MYO16: variants seen among roughly 807,000 people sequenced by gnomAD.
The protein encoded by MYO16 is unconventional myosin-XVI.
A neutral mutation model predicts 205.3 loss-of-function variants in MYO16; 94 were observed. That is an observed-to-expected ratio of 0.46 (90% CI 0.39 to 0.54). The LOEUF (loss-of-function observed/expected upper bound fraction) is 0.54, where lower values mean the gene tolerates loss of function less well. MYO16 is among the 20% of genes least tolerant of loss of function. The pLI is 0.00. For synonymous variants in MYO16, 988 were observed against 954.0 expected (o/e 1.04, Z -0.66); for missense variants, 2,315 against 2,387.5 (o/e 0.97, Z 0.63).
At chr13:108,749,091 T>C (rs1885149303) in intron 4 of MYO16, among the ~76,000 whole-genome samples, 2 of 152,204 alleles carry the variant, frequency 1.3e-5, no homozygotes, top group South Asian at 4.1e-4. Flanking sequence ...CGTTTTGATA[T>C]ATGTATACAC....
At chr13:108,617,434 A>G (rs1340154112) in intron 1 of MYO16, among the ~76,000 whole-genome samples, 1 of 152,150 alleles carries the variant, frequency 6.6e-6, no homozygotes. Flanking sequence ...ATCTTATTTG[A>G]TCCCTAGCAG....
chr13:108,893,832 G>A (rs1369205075), intron 14 of MYO16, among the ~76,000 whole-genome samples: 1 of 152,070 alleles, frequency 6.6e-6, no homozygotes, highest in African/African-American at 2.4e-5. Flanking sequence ...AGACAATTTT[G>A]CCTCAAATCC....
chr13:109,073,182 A>G (rs1594059477), intron 27 of MYO16, among the ~76,000 whole-genome samples: 1 of 150,790 alleles, frequency 6.6e-6, no homozygotes, highest in South Asian at 2.1e-4. Context: ...GCTCACTGGA[A>G]CCTCCTCCTC....
intron 12 of MYO16, among the ~76,000 whole-genome samples, chr13:108,872,510 A>G (rs1322148561): frequency 6.6e-6 from 1 of 152,050 alleles, no homozygotes; most frequent in Non-Finnish European, 1.5e-5. Context: ...AAGGAGAAAC[A>G]CATTAAGAGA....
intron 34 of MYO16, among the ~76,000 whole-genome samples, chr13:109,189,924 GT>G (rs55963432): frequency 6.7e-6 from 1 of 149,278 alleles, no homozygotes; most frequent in Non-Finnish European, 1.5e-5. Context: ...TTTTGTTGTT[GT>G]TTTTTTTTCA....
chr13:108,850,495 T>C (rs1877799903), intron 10 of MYO16, among the ~76,000 whole-genome samples: 1 of 152,192 alleles, frequency 6.6e-6, no homozygotes, highest in Non-Finnish European at 1.5e-5. Flanking sequence ...ATATATAGAA[T>C]AAAAACCATA....
chr13:109,049,199 C>T lies in MYO16; in HGVS notation c.2872+2208C>T, dbSNP rs138872823. Reference sequence around the variant, plus strand: ...TGTAGATCCCAGTGAGGGACACTTCCGCTCTCAGTATTTATATAGAGTGAC... The same window carrying T: ...TGTAGATCCCAGTGAGGGACACTTCTGCTCTCAGTATTTATATAGAGTGAC... On this transcript the variant is annotated intron_variant, in intron 24 of 34. Transcript: ENST00000457511. Among the ~76,000 whole-genome samples, 1,492 of 151,826 alleles carry T rather than the reference C, an allele frequency of 9.8e-3. 18 individuals are homozygous for T. Among genetic ancestry groups the T allele is most frequent in the South Asian group, 0.036 (175 of 4,798 alleles).
In MYO16 at chr13:108,667,223, A is replaced by G. The variant is rs563820458; in HGVS notation, c.292+1074A>G. On this transcript the variant is annotated intron_variant, in intron 2 of 34. Transcript: ENST00000457511. ...AAACCTATAGCACATTATATACAAT[A>G]ATAGTTATACATGGTAAGAAGACTC... Among the ~76,000 whole-genome samples, 23 of 152,294 alleles carry G rather than the reference A, an allele frequency of 1.5e-4. No individual in the cohort carries two copies. In the South Asian group the frequency reaches 2.3e-3, roughly 15 times the overall value.
At chr13:108,987,765 T>C (rs902539784) in intron 20 of MYO16, among the ~76,000 whole-genome samples, 28 of 152,190 alleles carry the variant, frequency 1.8e-4, no homozygotes, top group African/African-American at 5.8e-4. Flanking sequence ...TGGAGAACTC[T>C]CTAGGGAATC....
chr13:108,805,075 T>C (rs1194196194), intron 6 of MYO16, among the ~76,000 whole-genome samples: 1 of 152,194 alleles, frequency 6.6e-6, no homozygotes, highest in Middle Eastern at 3.2e-3. Flanking sequence ...TTATTGCATA[T>C]AGCACAGAGT....
Position 108,694,797 on chromosome 13 carries a change from G to A in MYO16, c.293-17864G>A, listed in dbSNP as rs566998349. ...CTGAGAAACAATTACCAAACTCAAGGCCATGAGGATTTCCTTCTAAGAGTA... is the reference window on the plus strand; with the variant it reads ...CTGAGAAACAATTACCAAACTCAAGACCATGAGGATTTCCTTCTAAGAGTA... On this transcript the variant is annotated intron_variant, in intron 2 of 34. Transcript: ENST00000457511. 2.9e-4 allele frequency among the ~76,000 whole-genome samples: 44 copies of A among 152,240 alleles called. No individual in the cohort carries two copies. In the South Asian group the frequency reaches 7.5e-3, roughly 26 times the overall value.
chr13:108,984,429 G>A (rs981234275), intron 20 of MYO16, among the ~76,000 whole-genome samples: 2 of 152,144 alleles, frequency 1.3e-5, no homozygotes, highest in Admixed American at 1.3e-4. Flanking sequence ...CATTTGCCGT[G>A]GCTTTCTCTT....
intron 1 of MYO16, 89 bp from the exon 2 acceptor site, chr13:108,665,797 T>C (rs948949826): frequency 2.1e-5 from 28 of 1,358,794 alleles, no homozygotes; most frequent in Non-Finnish European, 2.7e-5. Context: ...ACCTGTGCAA[T>C]GGACAATATA....
chr13:108,948,708 A>G (rs1883030719), intron 16 of MYO16, among the ~76,000 whole-genome samples: 1 of 152,266 alleles, frequency 6.6e-6, no homozygotes, highest in African/African-American at 2.4e-5. Flanking sequence ...GTGCCTCCAC[A>G]TAGCACTTCT....
chr13:108,791,675 C>T lies in MYO16; in HGVS notation c.617-1841C>T, dbSNP rs147394244. ...CAGGCTCGGAGAAGGAGCTGTGGCA[C>T]GAGGCAGAGTTGAAGTGCCCCATGG... On this transcript the variant is annotated intron_variant, in intron 5 of 34. Transcript: ENST00000457511. 7.2e-5 allele frequency among the ~76,000 whole-genome samples: 11 copies of T among 152,214 alleles called. No individual in the cohort carries two copies. The East Asian group carries it at 7.7e-4, about 11-fold the overall frequency.
chr13:109,201,749 C>A (rs1362539412), intron 34 of MYO16, among the ~76,000 whole-genome samples: 2 of 152,016 alleles, frequency 1.3e-5, no homozygotes, highest in African/African-American at 2.4e-5. Context: ...ATCCATCATG[C>A]CCTCCCACCC....
At chr13:108,945,772 T>G (rs565363801) in intron 16 of MYO16, among the ~76,000 whole-genome samples, 1 of 152,328 alleles carries the variant, frequency 6.6e-6, no homozygotes, top group East Asian at 1.9e-4. Flanking sequence ...TATATTTGAA[T>G]ACGTTTTTGT....
intron 10 of MYO16, among the ~76,000 whole-genome samples, chr13:108,846,995 A>G (rs2139078982): frequency 6.6e-6 from 1 of 152,316 alleles, no homozygotes; most frequent in East Asian, 1.9e-4. Context: ...AGTAGTAAGT[A>G]CAATGATAAT....
intron 5 of MYO16, among the ~76,000 whole-genome samples, chr13:108,786,653 T>G (rs1471812361): frequency 2.0e-5 from 3 of 152,204 alleles, no homozygotes; most frequent in African/African-American, 7.2e-5. Context: ...TGGCTTAGAA[T>G]AATAATAATT....
Sources: allele counts gnomAD v4.1 joint callset (sites outside exome capture counted in the v4.1 genomes callset), GRCh38; gene constraint gnomAD v4.1.1; transcripts MANE v1.5; gene names NCBI Gene and HGNC (gene_info 2026-07-23, HGNC 2026-07-21).